SLC9A5: variants seen among roughly 807,000 people sequenced by gnomAD.
SLC9A5 encodes the protein solute carrier family 9 member A5.
Under a neutral mutation model 91.7 loss-of-function variants are expected in SLC9A5, and 52 were observed. The observed-to-expected ratio is 0.57, with a 90% CI of 0.45 to 0.71. The LOEUF is 0.71. Among genes scored for constraint, SLC9A5 ranks in the 30% least tolerant of loss-of-function variants. The pLI is 0.00. For synonymous variants in SLC9A5, 419 were observed against 474.5 expected (o/e 0.88, Z 1.52); for missense variants, 871 against 1,158.9 (o/e 0.75, Z 3.61).
At chr16:67,253,104 AC>A in intron 2 of SLC9A5, among the ~76,000 whole-genome samples, 1 of 152,078 alleles carries the variant, frequency 6.6e-6, no homozygotes, top group Non-Finnish European at 1.5e-5. Flanking sequence ...AGCCTGTGTT[AC>A]CATTCTGTTG....
chr16:67,263,545 G>C (rs2035600511), intron 12 of SLC9A5: 1 of 152,550 alleles, frequency 6.6e-6, no homozygotes, highest in African/African-American at 2.4e-5. Flanking sequence ...AGGACTTTGG[G>C]AGGCCAAGGC....
rs904277401 is a variant in SLC9A5, at chr16:67,270,031, T to C, written c.2219-707T>C. On this transcript the variant is annotated intron_variant, in intron 15 of 15. Coordinates refer to ENST00000299798, the MANE Select transcript of SLC9A5 (RefSeq NM_004594.3). This position sits in a 1 kb window ranked among gnomAD's most constrained non-coding sequence, Gnocchi z 4.3. ...CCTTTGGCCTGTAGCCTCCAGGTCT[T>C]TCTTTCCCTCTCTGGTGGCTGGCGT... is the stretch of plus-strand genomic sequence containing the variant. Among the ~76,000 whole-genome samples, 1 of 152,136 alleles carries C rather than the reference T, an allele frequency of 6.6e-6. No individual in the cohort carries two copies. The highest frequency in any genetic ancestry group is 2.4e-5 in the African/African-American group (1 of 41,428).
At position 67,266,213 on chromosome 16, in the gene SLC9A5, G is replaced by C. The variant is rs201718658; in HGVS notation, c.2206G>C (p.Gly736Arg). ...TGCCACCAGTGAGGTTCTCCAAGAG[G>C]GCAAGGTCTCAGGTAATGGCTTCCT... is the stretch of plus-strand genomic sequence containing the variant. ...ARATSEVLQE[G>R]KVSGSLEVCP... The change falls in exon 15 of 16, where the codon GGC becomes CGC. Residue 736 changes from glycine to arginine, a missense_variant. By Grantham distance (125) the Gly-to-Arg change is moderately radical. Around this residue, in one of 3 missense-constraint regions of SLC9A5, gnomAD observed 295 missense variants for 326.0 expected, o/e 0.90. Coordinates refer to ENST00000299798, the MANE Select transcript of SLC9A5 (RefSeq NM_004594.3). The C allele has an allele frequency of 3.2e-4, 516 of 1,603,994 alleles. 3 individuals are homozygous for C. The African/African-American group carries it at 3.9e-3, about 12-fold the overall frequency.
At position 67,257,708 on chromosome 16, in the gene SLC9A5, G is replaced by T; in HGVS notation, c.1496+107G>T. On this transcript the variant is annotated intron_variant, in intron 9 of 15. Coordinates refer to ENST00000299798, the MANE Select transcript of SLC9A5 (RefSeq NM_004594.3). The surrounding 1 kb of genome is among the most constrained non-coding windows in gnomAD (Gnocchi z 5.1). ...GAAGGGACAGAGCCAGGTTCAGGCT[G>T]GGTGACCTCTGCCTGAAGCCCTTCA... is the stretch of plus-strand genomic sequence containing the variant. The T allele has an allele frequency of 8.4e-7, 1 of 1,191,746 alleles. No individual in the cohort carries two copies. 73.8% of individuals were successfully genotyped at this position (1,191,746 alleles called of 1,614,324 possible). A position where few individuals can be genotyped will look rare whatever the true frequency, so the allele number is the denominator to read the frequency against.
At position 67,270,700 on chromosome 16, in the gene SLC9A5, G is replaced by C. The variant is rs762388269; in HGVS notation, c.2219-38G>C. On this transcript the variant is annotated intron_variant, in intron 15 of 15. Transcript: ENST00000299798. The surrounding 1 kb of genome is among the most constrained non-coding windows in gnomAD (Gnocchi z 4.3). ...TGTGCTTATACTTGAGATTTCCACT[G>C]TATTGGTAATGAGTTCATGTGTACT... The C allele has an allele frequency of 3.0e-6, 4 of 1,351,608 alleles. No homozygotes were observed. The highest frequency in any genetic ancestry group is 4.1e-6 in the Non-Finnish European group (4 of 983,598). 83.7% of individuals were successfully genotyped at this position (1,351,608 alleles called of 1,614,324 possible). A position where few individuals can be genotyped will look rare whatever the true frequency, so the allele number is the denominator to read the frequency against.
chr16:67,249,666 C>G (rs1366209577), intron 1 of SLC9A5, among the ~76,000 whole-genome samples: 1 of 152,196 alleles, frequency 6.6e-6, no homozygotes, highest in Non-Finnish European at 1.5e-5. Flanking sequence ...AGTGTCCATT[C>G]CCTTGGGAAA....
At chr16:67,249,338 G>A in intron 1 of SLC9A5, 137 bp downstream of exon 1, 1 of 649,418 alleles carries the variant, frequency 1.5e-6, no homozygotes, top group Non-Finnish European at 2.3e-6. Context: ...ACAAATCCGG[G>A]CTCTCGCCCA....
chr16:67,249,753 A>AC (rs997380349), intron 1 of SLC9A5, among the ~76,000 whole-genome samples: 4 of 151,396 alleles, frequency 2.6e-5, no homozygotes, highest in South Asian at 2.1e-4. Context: ...GTGTATGGGT[A>AC]CCCCCCCAAC....
intron 14 of SLC9A5, among the ~76,000 whole-genome samples, chr16:67,265,572 C>A (rs906397800): frequency 2.6e-5 from 4 of 152,184 alleles, no homozygotes; most frequent in Admixed American, 6.5e-5. Flanking sequence ...GTGCACGCCA[C>A]CACACCTGGC....
chr16:67,249,272 G>C, intron 1 of SLC9A5, 71 bp downstream of exon 1: 1 of 1,231,742 alleles, frequency 8.1e-7, no homozygotes, highest in Non-Finnish European at 1.1e-6. Context: ...CCACCTCCTC[G>C]GTCCTCAGAT....
chr16:67,255,224 C>A lies in SLC9A5; in HGVS notation c.654+40C>A, dbSNP rs1478011751. The A allele has an allele frequency of 5.0e-6, 8 of 1,598,416 alleles. No homozygotes were observed. The highest frequency in any genetic ancestry group is 6.8e-6 in the Non-Finnish European group (8 of 1,170,074). ...CTGACTGCCATTCCCTGACCCCAGG[C>A]TGCATGCTCTGACCAACTAGGGGTC... On this transcript the variant is annotated intron_variant, in intron 3 of 15. Transcript: ENST00000299798. The surrounding 1 kb of genome is among the most constrained non-coding windows in gnomAD (Gnocchi z 4.9).
rs763930444 is a variant in SLC9A5 at position 67,264,514 on chromosome 16, C to T, written c.2005C>T (p.Arg669Cys). Residue 669 changes from arginine to cysteine, a missense_variant, in exon 13 of 16, where the codon CGC becomes TGC. Around this residue, in one of 3 missense-constraint regions of SLC9A5, gnomAD observed 295 missense variants for 326.0 expected, o/e 0.90. Transcript: ENST00000299798. The part of the protein sequence containing the change: ...KSKPRPRKTG[R>C]RKKDGVANAE... ...CAAGCCACGACCCCGCAAGACTGGCCGCAGGAAGGCATGTCTTCCCTCAGG... is the reference window on the plus strand; with the variant it reads ...CAAGCCACGACCCCGCAAGACTGGCTGCAGGAAGGCATGTCTTCCCTCAGG... The T allele has an allele frequency of 1.4e-5, 22 of 1,614,002 alleles. No individual in the cohort carries two copies. Among genetic ancestry groups the T allele is most frequent in the South Asian group, 6.6e-5 (6 of 91,082 alleles).
chr16:67,269,253 G>C (rs1448809635), intron 15 of SLC9A5, among the ~76,000 whole-genome samples: 2 of 151,670 alleles, frequency 1.3e-5, no homozygotes, highest in African/African-American at 4.8e-5. Context: ...GTGAAAACCT[G>C]TCTCTACTAA....
rs547598336 is a variant in SLC9A5 at position 67,271,162 on chromosome 16, C to T, written c.2643C>T (p.Thr881=). The T allele has an allele frequency of 1.1e-5, 18 of 1,613,112 alleles. No individual in the cohort carries two copies. The highest frequency in any genetic ancestry group is 6.7e-5 in the East Asian group (3 of 44,884). Residue 881 remains threonine (T), a synonymous_variant, in exon 16 of 16, where the codon ACC becomes ACT. Coordinates refer to ENST00000299798, the MANE Select transcript of SLC9A5 (RefSeq NM_004594.3). ...HKDHTHLSPG[T]ATSHWCIQFN... is the part of the protein sequence containing the mutation. ...ACCACACCCATCTCAGCCCAGGCACCGCTACCTCCCACTGGTGCATCCAGT... is the reference window on the plus strand; with the variant it reads ...ACCACACCCATCTCAGCCCAGGCACTGCTACCTCCCACTGGTGCATCCAGT...
At position 67,270,425 on chromosome 16, in the gene SLC9A5, A is replaced by T. The variant is rs2035877830; in HGVS notation, c.2219-313A>T. 6.6e-6 allele frequency among the ~76,000 whole-genome samples: 1 copy of T among 152,154 alleles called. No individual in the cohort carries two copies. The highest frequency in any genetic ancestry group is 1.5e-5 in the Non-Finnish European group (1 of 68,024). ...GGTCACTAACTCCTGAGCTCAGGTG[A>T]TCCACCACCTTGGCCTCCCAAAGTG... On this transcript the variant is annotated intron_variant, in intron 15 of 15. Coordinates refer to ENST00000299798, the MANE Select transcript of SLC9A5 (RefSeq NM_004594.3). This position sits in a 1 kb window ranked among gnomAD's most constrained non-coding sequence, Gnocchi z 4.3.
chr16:67,250,196 C>T (rs1304729524), intron 1 of SLC9A5, among the ~76,000 whole-genome samples: 1 of 152,170 alleles, frequency 6.6e-6, no homozygotes, highest in Admixed American at 6.5e-5. Context: ...GGGGGCTGGG[C>T]AGGAACAGAA....
rs1168736986 is a variant in SLC9A5 at position 67,271,244 on chromosome 16, C to T, written c.*34C>T. On this transcript the variant is annotated 3_prime_UTR_variant, in exon 16 of 16. Transcript: ENST00000299798. Reference sequence around the variant, plus strand: ...CTCGGGGAGGAGCAGGAGGTGGAATCCCTGTGGGAAGTGCTCCCTGGGTGA... The same window carrying T: ...CTCGGGGAGGAGCAGGAGGTGGAATTCCTGTGGGAAGTGCTCCCTGGGTGA... 5.8e-6 allele frequency: 9 copies of T among 1,565,054 alleles called. No homozygotes were observed. The highest frequency in any genetic ancestry group is 2.3e-5 in the East Asian group (1 of 43,542).
chr16:67,267,963 T>C (rs2035772791), intron 15 of SLC9A5, among the ~76,000 whole-genome samples: 1 of 152,300 alleles, frequency 6.6e-6, no homozygotes, highest in South Asian at 2.1e-4. Flanking sequence ...GTCTCAAATA[T>C]CATATCACTT....
rs747562680 is a variant in SLC9A5 at position 67,252,893 on chromosome 16, C to A, written c.490+49C>A. 2.6e-6 allele frequency: 4 copies of A among 1,517,204 alleles called. No homozygotes were observed. The highest frequency in any genetic ancestry group is 2.7e-6 in the Non-Finnish European group (3 of 1,121,398). The allele number at this position is 1,517,204 out of a possible 1,614,324, so 94.0% of individuals were successfully genotyped here. ...TTTGCCAGACCCATCACCCCTCTCCCTTCTCCTCAAGCTCTGGAGGCCCAT... is the reference window on the plus strand; with the variant it reads ...TTTGCCAGACCCATCACCCCTCTCCATTCTCCTCAAGCTCTGGAGGCCCAT... On this transcript the variant is annotated intron_variant, in intron 2 of 15. Transcript: ENST00000299798. This position sits in a 1 kb window ranked among gnomAD's most constrained non-coding sequence, Gnocchi z 4.0.
Sources: gnomAD v4.1 joint callset for allele counts (sites outside exome capture counted in the v4.1 genomes callset) on GRCh38, gnomAD v4.1.1 for gene constraint, gnomAD v4.1.1 regional missense constraint, Gnocchi (gnomAD v3.1) non-coding constraint, MANE v1.5 for transcripts, NCBI Gene and HGNC (gene_info 2026-07-23, HGNC 2026-07-21) for gene names.